Variants in UNC5C observed in about 807,000 individuals in gnomAD.
UNC5C encodes unc-5 netrin receptor C, also known as netrin receptor UNC5C.
Under a neutral mutation model 99.8 loss-of-function variants are expected in UNC5C, and 47 were observed. That is an observed-to-expected ratio of 0.47 (90% CI 0.37 to 0.60). The LOEUF (loss-of-function observed/expected upper bound fraction) is 0.60, where lower values mean the gene tolerates loss of function less well. Ranked by LOEUF, UNC5C falls within the 20% of genes least tolerant of loss-of-function variation. The probability of loss-of-function intolerance (pLI) is 0.00; values close to 1 mark genes in which losing one functional copy is unlikely to be tolerated. For synonymous variants in UNC5C, 487 were observed against 452.2 expected (o/e 1.08, Z -0.98); for missense variants, 1,062 against 1,165.9 (o/e 0.91, Z 1.30).
At position 95,271,431 on chromosome 4, in the gene UNC5C, G is replaced by C. The variant is rs1056909148; in HGVS notation, c.594+6828C>G. Among the ~76,000 whole-genome samples, 4 of 152,066 alleles carry C rather than the reference G, an allele frequency of 2.6e-5. No homozygotes were observed. The East Asian group carries it at 7.8e-4, about 30-fold the overall frequency. On this transcript the variant is annotated intron_variant, in intron 4 of 15. Coordinates refer to ENST00000453304, the MANE Select transcript of UNC5C (RefSeq NM_003728.4). ...TTTTTAGTAGAGACGGGGTTTCACT[G>C]TGTTAGCCAGGATGGTCTCGATCTC...
chr4:95,444,833 C>T (rs374827050), intron 1 of UNC5C, among the ~76,000 whole-genome samples: 2 of 151,940 alleles, frequency 1.3e-5, no homozygotes, highest in Non-Finnish European at 2.9e-5. Flanking sequence ...TGCAACTCCG[C>T]GATTTTGCTT....
intron 1 of UNC5C, among the ~76,000 whole-genome samples, chr4:95,529,439 A>G (rs189581841): frequency 1.4e-4 from 21 of 151,384 alleles, no homozygotes; most frequent in Admixed American, 2.6e-4. Flanking sequence ...TAAATTTTAG[A>G]ATACCAGCCA....
intron 1 of UNC5C, among the ~76,000 whole-genome samples, chr4:95,344,669 T>C (rs1743703871): frequency 6.6e-6 from 1 of 151,906 alleles, no homozygotes; most frequent in Non-Finnish European, 1.5e-5. Flanking sequence ...AAAGAATAAA[T>C]AGAAACAACA....
At chr4:95,190,500 T>G (rs1190684293) in intron 12 of UNC5C, among the ~76,000 whole-genome samples, 1 of 151,900 alleles carries the variant, frequency 6.6e-6, no homozygotes, top group Non-Finnish European at 1.5e-5. Flanking sequence ...AAAAAAATTT[T>G]TTTTTTGTCG....
At chr4:95,448,574 C>G (rs1393200373) in intron 1 of UNC5C, among the ~76,000 whole-genome samples, 1 of 152,074 alleles carries the variant, frequency 6.6e-6, no homozygotes, top group Admixed American at 6.5e-5. Flanking sequence ...GGAAAAGCAG[C>G]TTTAACTCAG....
At chr4:95,483,189 A>G (rs1042188774) in intron 1 of UNC5C, among the ~76,000 whole-genome samples, 9 of 151,592 alleles carry the variant, frequency 5.9e-5, no homozygotes, top group Admixed American at 3.3e-4. Flanking sequence ...TTCAGGCATA[A>G]AAATCCTCAG....
At chr4:95,338,652 G>T (rs1743438775) in intron 1 of UNC5C, among the ~76,000 whole-genome samples, 1 of 151,846 alleles carries the variant, frequency 6.6e-6, no homozygotes, top group African/African-American at 2.4e-5. Context: ...TTGAAAGCAG[G>T]GACTATATTG....
At chr4:95,421,441 C>T (rs1349193614) in intron 1 of UNC5C, among the ~76,000 whole-genome samples, 1 of 151,588 alleles carries the variant, frequency 6.6e-6, no homozygotes, top group Non-Finnish European at 1.5e-5. Context: ...ACATATTTAT[C>T]GAACATCTAT....
rs542095430 is a variant in UNC5C at position 95,527,652 on chromosome 4, AATTT to A, written c.124+21078_124+21081del. Among the ~76,000 whole-genome samples, 26 of 152,254 alleles carry A rather than the reference AATTT, an allele frequency of 1.7e-4. 1 individual carries two copies. The East Asian group carries it at 4.6e-3, about 27-fold the overall frequency. The stretch of plus-strand genomic sequence containing the variant: ...TTTTTACCTATTTAAAGAAAAATGA[AATTT>A]ATTTTTATGGACATATAATTTCCAT... On this transcript the variant is annotated intron_variant, in intron 1 of 15. Transcript: ENST00000453304.
chr4:95,435,160 A>G (rs1255630914), intron 1 of UNC5C, among the ~76,000 whole-genome samples: 1 of 152,082 alleles, frequency 6.6e-6, no homozygotes, highest in East Asian at 1.9e-4. Context: ...TTGCATGATT[A>G]CTAAGTGGCC....
intron 1 of UNC5C, among the ~76,000 whole-genome samples, chr4:95,431,887 A>T (rs868851644): frequency 4.1e-4 from 63 of 152,140 alleles, no homozygotes; most frequent in Admixed American, 1.8e-3. Context: ...TACATTCTCC[A>T]GTCTAGAAAT....
intron 1 of UNC5C, among the ~76,000 whole-genome samples, chr4:95,483,814 T>A (rs1721246414): frequency 6.6e-6 from 1 of 151,724 alleles, no homozygotes; most frequent in African/African-American, 2.4e-5. Flanking sequence ...TGTGATGGCC[T>A]CAAGAAACAA....
In UNC5C at chr4:95,324,177, C is replaced by T. The variant is rs139396283; in HGVS notation, c.346+11233G>A. Among the ~76,000 whole-genome samples, 418 of 152,308 alleles carry T rather than the reference C, an allele frequency of 2.7e-3. 1 individual carries two copies. The highest frequency in any genetic ancestry group is 9.6e-3 in the African/African-American group (400 of 41,558). ...GGGCCACATGGCAGGAGGTGTGCAG[C>T]AGGTGAGGGAGCATTACATCCTGAG... On this transcript the variant is annotated intron_variant, in intron 2 of 15. Transcript: ENST00000453304.
At position 95,444,333 on chromosome 4, in the gene UNC5C, T is replaced by C. The variant is rs1458252340; in HGVS notation, c.124+104401A>G. On this transcript the variant is annotated intron_variant, in intron 1 of 15. Transcript: ENST00000453304. ...AAATAGGCAGCTGGAGTGCATTGCC[T>C]TTTTTTTTTTTTTTTGAGACGGAGT... 1.1e-4 allele frequency among the ~76,000 whole-genome samples: 4 copies of C among 34,830 alleles called. No individual in the cohort carries two copies. The Admixed American group carries it at 1.4e-3, about 12-fold the overall frequency. The allele number at this position is 34,830 out of a possible 152,430, so 22.8% of individuals were successfully genotyped here.
At chr4:95,448,192 GTGTGTCTC>G (rs201499106) in intron 1 of UNC5C, among the ~76,000 whole-genome samples, 62 of 103,166 alleles carry the variant, frequency 6.0e-4, no homozygotes, top group South Asian at 3.3e-3. Flanking sequence ...TTGCTAATGT[GTGTGTCTC>G]TGTGTGTGTG....
At chr4:95,279,546 T>C (rs115002256) in intron 3 of UNC5C, among the ~76,000 whole-genome samples, 115 of 152,376 alleles carry the variant, frequency 7.5e-4, no homozygotes, top group African/African-American at 2.5e-3. Flanking sequence ...ATTTCTAAAG[T>C]TAGAAAATTA....
intron 1 of UNC5C, among the ~76,000 whole-genome samples, chr4:95,356,226 A>AAAAAAAAAAAAAAAAAAAAAAC (rs1371053400): frequency 6.9e-6 from 1 of 144,708 alleles, no homozygotes; most frequent in Non-Finnish European, 1.5e-5. Context: ...AACAAAAAAA[A>AAAAAAAAAAAAAAAAAAAAAAC]AACAGATTCC....
intron 5 of UNC5C, among the ~76,000 whole-genome samples, chr4:95,246,088 T>C (rs1739493657): frequency 2.0e-5 from 3 of 152,196 alleles, no homozygotes; most frequent in Admixed American, 1.3e-4. Context: ...GGAATAATCA[T>C]GAATGTTATA....
chr4:95,347,704 T>A (rs940977307), intron 1 of UNC5C, among the ~76,000 whole-genome samples: 1 of 151,954 alleles, frequency 6.6e-6, no homozygotes, highest in African/African-American at 2.4e-5. Flanking sequence ...TGGGTATCCG[T>A]AGGCAGAAGA....
Sources: allele counts gnomAD v4.1 joint callset (sites outside exome capture counted in the v4.1 genomes callset), GRCh38; gene constraint gnomAD v4.1.1; transcripts MANE v1.5; gene names NCBI Gene and HGNC (gene_info 2026-07-23, HGNC 2026-07-21).